MED14: variants seen among roughly 807,000 people sequenced by gnomAD.
MED14 encodes the protein mediator complex subunit 14.
Under a neutral mutation model 109.0 loss-of-function variants are expected in MED14, and 8 were observed. The ratio of observed to expected loss-of-function variants is 0.07; its 90% CI spans 0.04 to 0.13. The LOEUF is 0.13. Ranked by LOEUF, MED14 falls within the 10% of genes least tolerant of loss-of-function variation. The pLI is 1.00. For synonymous variants in MED14, 399 were observed against 408.7 expected, an observed-to-expected ratio of 0.98 and a Z score of 0.29; for missense variants, 711 against 1,142.4, an observed-to-expected ratio of 0.62 and a Z score of 5.44.
Position 40,726,805 on chromosome X carries a change from C to T in MED14, c.289G>A (p.Val97Ile), listed in dbSNP as rs370874022. ...QFASRTRQLFVRLLALVKWAN... is the reference protein window; with the variant it reads ...QFASRTRQLFIRLLALVKWAN... ...CATTTCACTAAAGCTAATAATCGAACGAAGAGTTGGCGTGTCCGGCTAGCA... is the reference window on the plus strand; with the variant it reads ...CATTTCACTAAAGCTAATAATCGAATGAAGAGTTGGCGTGTCCGGCTAGCA... Residue 97 changes from valine to isoleucine, a missense_variant, in exon 3 of 31, where the codon GTT becomes ATT. Physicochemically the swap from Val to Ile is conservative, Grantham distance 29 (BLOSUM62 3). Around this residue, in one of 8 missense-constraint regions of MED14, gnomAD observed 31 missense variants for 79.3 expected, o/e 0.39. Coordinates refer to ENST00000324817, the MANE Select transcript of MED14 (RefSeq NM_004229.4). The T allele has an allele frequency of 1.4e-5, 17 of 1,206,925 alleles. No individual in the cohort carries two copies. The highest frequency in any genetic ancestry group is 4.4e-5 in the Admixed American group (2 of 45,522).
chrX:40,664,082 A>G (rs1929390897), intron 25 of MED14, among the ~76,000 whole-genome samples: 4 of 110,764 alleles, frequency 3.6e-5, no homozygotes, highest in African/African-American at 1.3e-4. Flanking sequence ...TAAAAACCCA[A>G]AAGGACAGAG....
chrX:40,690,374 T>G (rs1436256335), intron 15 of MED14, among the ~76,000 whole-genome samples: 6 of 111,151 alleles, frequency 5.4e-5, no homozygotes, highest in African/African-American at 2.0e-4. Context: ...AAAGCAGGAG[T>G]TGGCAAACAA....
intron 15 of MED14, among the ~76,000 whole-genome samples, chrX:40,689,697 A>T (rs1460351205): frequency 4.5e-5 from 5 of 111,443 alleles, no homozygotes; most frequent in Admixed American, 2.9e-4. Flanking sequence ...ATTTCAAAAA[A>T]AAAAAAGATA....
At chrX:40,697,513 C>A (rs1930763886) in intron 12 of MED14, among the ~76,000 whole-genome samples, 1 of 111,857 alleles carries the variant, frequency 8.9e-6, no homozygotes, top group African/African-American at 3.3e-5. Flanking sequence ...CTAATCTCAA[C>A]ATTCTTTATA....
chrX:40,690,374 T>C (rs1436256335), intron 15 of MED14, among the ~76,000 whole-genome samples: 1 of 111,151 alleles, frequency 9.0e-6, no homozygotes, highest in Non-Finnish European at 1.9e-5. Flanking sequence ...AAAGCAGGAG[T>C]TGGCAAACAA....
intron 26 of MED14, among the ~76,000 whole-genome samples, chrX:40,661,621 T>C (rs747451751): frequency 1.8e-5 from 2 of 112,397 alleles, no homozygotes; most frequent in African/African-American, 3.2e-5. Flanking sequence ...TTACATGAAC[T>C]ATCTCAAATT....
At chrX:40,728,735 G>C (rs1476693826) in intron 2 of MED14, among the ~76,000 whole-genome samples, 3 of 111,864 alleles carry the variant, frequency 2.7e-5, no homozygotes, top group Admixed American at 9.5e-5. Flanking sequence ...TGTTAACTAT[G>C]TAACAGTAGG....
intron 3 of MED14, among the ~76,000 whole-genome samples, chrX:40,717,712 G>A (rs895362257): frequency 5.4e-5 from 6 of 111,119 alleles, no homozygotes; most frequent in African/African-American, 1.6e-4. Flanking sequence ...TAGTAAAGAC[G>A]GGGTTTCACC....
At chrX:40,710,539 C>T (rs1295519099) in intron 8 of MED14, among the ~76,000 whole-genome samples, 3 of 111,529 alleles carry the variant, frequency 2.7e-5, no homozygotes, top group Non-Finnish European at 5.7e-5. Context: ...TAGGAATTTT[C>T]TCCCAAAGAA....
chrX:40,710,233 C>T (rs1319377169), intron 8 of MED14, 104 bp from the exon 9 acceptor site: 24 of 444,390 alleles, frequency 5.4e-5, no homozygotes, highest in Non-Finnish European at 6.9e-5. Flanking sequence ...GCCTGGAATA[C>T]GGCAGGCCCC....
At chrX:40,707,063 CCAGCCTGTTCAGCAGGCCATGGA>C (rs1190771027) in intron 10 of MED14, among the ~76,000 whole-genome samples, 28 of 110,450 alleles carry the variant, frequency 2.5e-4, no homozygotes, top group Non-Finnish European at 2.1e-4. Flanking sequence ...GAGCATAAGA[CCAGCCTGTTCAGCAGGCCATGGA>C]CTTAAAATAG....
At chrX:40,667,565 T>A (rs188433788) in intron 23 of MED14, among the ~76,000 whole-genome samples, 160 of 111,512 alleles carry the variant, frequency 1.4e-3, no homozygotes, top group Non-Finnish European at 2.6e-3. Flanking sequence ...GAGGGGTGGG[T>A]CCCAGATCAC....
At chrX:40,700,070 AC>A (rs1311958235) in intron 12 of MED14, among the ~76,000 whole-genome samples, 1 of 110,798 alleles carries the variant, frequency 9.0e-6, no homozygotes, top group Non-Finnish European at 1.9e-5. Context: ...AATCCCTTGA[AC>A]CCGGGAGGGA....
intron 12 of MED14, among the ~76,000 whole-genome samples, chrX:40,698,856 A>G (rs1337895486): frequency 3.6e-5 from 4 of 112,281 alleles, no homozygotes; most frequent in Non-Finnish European, 7.5e-5. Context: ...ACAGTTTGGC[A>G]TTTTCTTTTA....
chrX:40,666,862 A>G lies in MED14; in HGVS notation c.3134-11T>C, dbSNP rs760664437. 35 of 1,149,906 alleles carry G rather than the reference A, an allele frequency of 3.0e-5. No individual in the cohort carries two copies. In the South Asian group the frequency reaches 6.8e-4, roughly 22 times the overall value. The allele number at this position is 1,149,906 out of a possible 1,213,427, so 94.8% of individuals were successfully genotyped here. A position where few individuals can be genotyped will look rare whatever the true frequency, so the allele number is the denominator to read the frequency against. ...CAGCATGCAGATTTCCTAATAAAGG[A>G]AAATAATTATAGATAATCTTGCAGG... On this transcript the variant is annotated splice_polypyrimidine_tract_variant and intron_variant, in intron 23 of 30. Transcript: ENST00000324817.
At chrX:40,681,602 C>T (rs924584114) in intron 19 of MED14, among the ~76,000 whole-genome samples, 4 of 111,616 alleles carry the variant, frequency 3.6e-5, no homozygotes, top group Non-Finnish European at 7.5e-5. Context: ...CAAACACCAT[C>T]AGTACATTAC....
intron 30 of MED14, among the ~76,000 whole-genome samples, chrX:40,652,852 A>C (rs1262537763): frequency 1.8e-5 from 2 of 111,625 alleles, no homozygotes; most frequent in Non-Finnish European, 3.8e-5. Context: ...CAGTGGCTGA[A>C]AGTGGGAGAA....
intron 29 of MED14, 69 bp from the exon 30 acceptor site, chrX:40,654,625 T>C (rs1481192798): frequency 5.0e-6 from 5 of 1,010,053 alleles, no homozygotes; most frequent in Admixed American, 2.8e-5. Context: ...GTATCAAAGG[T>C]ACTATCATTT....
At chrX:40,673,846 C>CA (rs138556866) in intron 22 of MED14, among the ~76,000 whole-genome samples, 109 of 86,733 alleles carry the variant, frequency 1.3e-3, no homozygotes, top group African/African-American at 4.2e-3. Context: ...AACTCCATCT[C>CA]AAAAAAAAAA....
Sources: gnomAD v4.1 joint callset for allele counts (sites outside exome capture counted in the v4.1 genomes callset) on GRCh38, gnomAD v4.1.1 for gene constraint, gnomAD v4.1.1 regional missense constraint, MANE v1.5 for transcripts, NCBI Gene and HGNC (gene_info 2026-07-23, HGNC 2026-07-21) for gene names.